Variants in NLN observed in about 807,000 individuals in gnomAD.
NLN encodes the protein neurolysin, mitochondrial.
NLN carries 64 observed loss-of-function variants against 79.9 expected under a neutral mutation model. That is an observed-to-expected ratio of 0.80 (90% CI 0.65 to 0.99). NLN has a LOEUF of 0.99. Among genes scored for constraint, NLN ranks in the 50% least tolerant of loss-of-function variants. NLN has a pLI of 0.00. For missense variants in NLN, 835 were observed against 858.7 expected (o/e 0.97, Z 0.34); for synonymous variants, 267 against 296.6 (o/e 0.90, Z 1.02).
In NLN at chr5:65,751,869, C is replaced by G. The variant is rs938509198; in HGVS notation, c.42-6698C>G. The stretch of plus-strand genomic sequence containing the variant: ...GATGATGATGATATTATTTTGGACA[C>G]AGGAGATTACAATGCTAGCAAATGC... On this transcript the variant is annotated intron_variant, in intron 1 of 12. Coordinates refer to ENST00000380985, the MANE Select transcript of NLN (RefSeq NM_020726.5). Among the ~76,000 whole-genome samples the G allele has an allele frequency of 4.6e-5, 7 of 152,142 alleles. No individual in the cohort carries two copies. In the South Asian group the frequency reaches 1.4e-3, roughly 32 times the overall value.
Position 65,825,367 on chromosome 5 carries a change from G to A in NLN, c.*2452G>A, listed in dbSNP as rs545320937. 6.6e-6 allele frequency: 1 copy of A among 151,886 alleles called. No individual in the cohort carries two copies. The highest frequency in any genetic ancestry group is 2.4e-5 in the African/African-American group (1 of 41,336). The allele number at this position is 151,886 out of a possible 1,614,324, so 9.4% of individuals were successfully genotyped here. A position where few individuals can be genotyped will look rare whatever the true frequency, so the allele number is the denominator to read the frequency against. On this transcript the variant is annotated 3_prime_UTR_variant, in exon 13 of 13. Coordinates refer to ENST00000380985, the MANE Select transcript of NLN (RefSeq NM_020726.5). ...TATAATAAGGTCTCTCCTGGTAATT[G>A]ATCCAGGGGATTTAGGCCTCTTTCG...
intron 12 of NLN, among the ~76,000 whole-genome samples, chr5:65,816,149 C>T (rs1431475526): frequency 6.6e-6 from 1 of 152,016 alleles, no homozygotes; most frequent in Non-Finnish European, 1.5e-5. Context: ...CAAGATTGCA[C>T]CATTGCACTC....
At chr5:65,736,155 T>G (rs1300226528) in intron 1 of NLN, among the ~76,000 whole-genome samples, 1 of 152,210 alleles carries the variant, frequency 6.6e-6, no homozygotes, top group Admixed American at 6.5e-5. Context: ...TTGAATTTTG[T>G]AATTGCTGTC....
chr5:65,803,799 C>T (rs6893191), intron 9 of NLN, among the ~76,000 whole-genome samples: 39,073 of 152,056 alleles, frequency 0.26, 5,295 homozygotes, highest in African/African-American at 0.33. Context: ...GCCCTGCCAA[C>T]TTAGAAGGGG....
intron 1 of NLN, among the ~76,000 whole-genome samples, chr5:65,749,256 A>G (rs552688106): frequency 1.3e-5 from 2 of 152,350 alleles, no homozygotes; most frequent in South Asian, 4.1e-4. Flanking sequence ...ATATGAGAAA[A>G]TGGCAAAGAG....
At chr5:65,758,093 G>A (rs890822328) in intron 1 of NLN, among the ~76,000 whole-genome samples, 2 of 151,946 alleles carry the variant, frequency 1.3e-5, no homozygotes, top group Non-Finnish European at 1.5e-5. Flanking sequence ...AAATTAGCTC[G>A]GCATGGTGGT....
At chr5:65,778,276 C>A (rs1759724003) in intron 4 of NLN, among the ~76,000 whole-genome samples, 1 of 152,128 alleles carries the variant, frequency 6.6e-6, no homozygotes, top group Non-Finnish European at 1.5e-5. Flanking sequence ...AAACTTGGCT[C>A]CAGAATTAAC....
At chr5:65,806,887 G>A (rs1760424137) in intron 9 of NLN, among the ~76,000 whole-genome samples, 1 of 152,050 alleles carries the variant, frequency 6.6e-6, no homozygotes, top group South Asian at 2.1e-4. Flanking sequence ...CTTATTTTAA[G>A]AAATAGCGGC....
intron 1 of NLN, among the ~76,000 whole-genome samples, chr5:65,732,128 T>A (rs1266446623): frequency 6.6e-6 from 1 of 152,222 alleles, no homozygotes; most frequent in South Asian, 2.1e-4. Context: ...CTGACTTTTT[T>A]AAAAAGACTT....
intron 1 of NLN, among the ~76,000 whole-genome samples, chr5:65,749,622 G>A (rs1759059921): frequency 6.6e-6 from 1 of 152,210 alleles, no homozygotes; most frequent in Non-Finnish European, 1.5e-5. Flanking sequence ...AACAGTGGCA[G>A]AATGTATGCT....
rs1759704237 is a variant in NLN, at chr5:65,777,475, G to C, written c.499G>C (p.Glu167Gln). The C allele has an allele frequency of 2.5e-6, 4 of 1,613,478 alleles. No individual in the cohort carries two copies. ...KIKPEARRYL[E>Q]KSIKMGKRNG... ...AAAACCTGAGGCCAGACGATACTTG[G>C]AAAAGTCAATTAAAATGGGGAAAAG... The change falls in exon 4 of 13, where the codon GAA becomes CAA. Residue 167 changes from glutamate (E) to glutamine (Q), a missense_variant. Physicochemically the swap from Glu to Gln is conservative, Grantham distance 29. Transcript: ENST00000380985.
chr5:65,796,170 C>T (rs1251025499), intron 9 of NLN, among the ~76,000 whole-genome samples: 1 of 152,150 alleles, frequency 6.6e-6, no homozygotes, highest in Non-Finnish European at 1.5e-5. Flanking sequence ...GTCTTTTAAT[C>T]ACATTTATTA....
intron 3 of NLN, among the ~76,000 whole-genome samples, chr5:65,773,354 G>T (rs1759611867): frequency 6.6e-6 from 1 of 151,634 alleles, no homozygotes. Context: ...TCCCAGGCTG[G>T]TGAACTGAGC....
At chr5:65,745,282 C>T (rs1422252355) in intron 1 of NLN, among the ~76,000 whole-genome samples, 5 of 152,148 alleles carry the variant, frequency 3.3e-5, no homozygotes, top group African/African-American at 1.2e-4. Context: ...ATTCTCTCCC[C>T]ATTAAAAGCA....
intron 5 of NLN, 42 bp downstream of exon 5, chr5:65,780,323 G>T: frequency 1.3e-6 from 1 of 750,570 alleles, no homozygotes; most frequent in Non-Finnish European, 2.2e-6. Flanking sequence ...TATAATTTAG[G>T]CAAATAGTGT....
chr5:65,822,155 A>C (rs542296571), intron 12 of NLN, among the ~76,000 whole-genome samples: 1 of 152,340 alleles, frequency 6.6e-6, no homozygotes, highest in Non-Finnish European at 1.5e-5. Flanking sequence ...TGTGTAAATA[A>C]AAGTAGAGGA....
At position 65,812,294 on chromosome 5, in the gene NLN, G is replaced by T. The variant is rs1331299520; in HGVS notation, c.1883G>T (p.Gly628Val). The change falls in exon 12 of 13, where the codon GGA becomes GTA. Residue 628 changes from glycine (G) to valine (V), a missense_variant. By Grantham distance (109) the Gly-to-Val change is moderately radical. Transcript: ENST00000380985. ...MPATFGHLAGGYDGQYYGYLW... is the reference protein window; with the variant it reads ...MPATFGHLAGVYDGQYYGYLW... ...GCTACCTTTGGACATTTGGCAGGGG[G>T]ATACGATGGCCAATATTATGGATAT... 1.2e-6 allele frequency: 2 copies of T among 1,611,498 alleles called. No homozygotes were observed. The highest frequency in any genetic ancestry group is 2.7e-5 in the African/African-American group (2 of 74,844).
intron 1 of NLN, chr5:65,733,542 A>T: frequency 6.8e-7 from 1 of 1,476,586 alleles, no homozygotes. Flanking sequence ...GGCTGAGCTG[A>T]TGTGTACAGT....
intron 1 of NLN, among the ~76,000 whole-genome samples, chr5:65,731,261 A>G (rs931995735): frequency 6.6e-6 from 1 of 152,214 alleles, no homozygotes; most frequent in African/African-American, 2.4e-5. Context: ...TAGCTCTGCC[A>G]CATTCTACTG....
Sources: gnomAD v4.1 joint callset for allele counts (sites outside exome capture counted in the v4.1 genomes callset) on GRCh38, gnomAD v4.1.1 for gene constraint, MANE v1.5 for transcripts, NCBI Gene and HGNC (gene_info 2026-07-23, HGNC 2026-07-21) for gene names.